The following C16orf74 variants were observed in gnomAD, a reference collection of about 807,000 sequenced individuals.
The protein encoded by C16orf74 is calcimembrin, also known as uncharacterized protein C16orf74.
Under a neutral mutation model 6.5 loss-of-function variants are expected in C16orf74, and 10 were observed. That is an observed-to-expected ratio of 1.54 (90% confidence interval 0.95 to 2.61). The LOEUF is 2.61. Among genes scored for constraint, C16orf74 ranks in the 30% most tolerant of loss-of-function variants. The pLI is 0.00. For missense variants in C16orf74, 141 were observed against 105.9 expected, an observed-to-expected ratio of 1.33 and a Z score of -1.45; for synonymous variants, 60 against 42.5, an observed-to-expected ratio of 1.41 and a Z score of -1.60.
chr16:85,747,860 G>A (rs2054390933), intron 1 of C16orf74, among the ~76,000 whole-genome samples: 1 of 152,022 alleles, frequency 6.6e-6, no homozygotes, highest in African/African-American at 2.4e-5. Flanking sequence ...GGCTCAGGCA[G>A]GTGGATCACA....
rs2054009753 is a variant in C16orf74 at position 85,715,078 on chromosome 16, A to G, written c.29-4771T>C. ...AGGCTGAGGCAGGAGAATGGCGTGAACCCGGGAGGCGGAGCTTGCAGTGAG... is the reference window on the plus strand; with the variant it reads ...AGGCTGAGGCAGGAGAATGGCGTGAGCCCGGGAGGCGGAGCTTGCAGTGAG... On this transcript the variant is annotated intron_variant, in intron 2 of 3. Coordinates refer to ENST00000284245, the MANE Select transcript of C16orf74 (RefSeq NM_206967.3). Among the ~76,000 whole-genome samples, 3 of 150,644 alleles carry G rather than the reference A, an allele frequency of 2.0e-5. No individual in the cohort carries two copies. The South Asian group carries it at 6.3e-4, about 32-fold the overall frequency.
intron 1 of C16orf74, among the ~76,000 whole-genome samples, chr16:85,740,071 G>C (rs577705599): frequency 1.3e-5 from 2 of 149,982 alleles, no homozygotes; most frequent in Non-Finnish European, 3.0e-5. Context: ...TTAGCCAGGC[G>C]TGGTGGCAGG....
chr16:85,715,639 G>C (rs757180496), intron 2 of C16orf74, among the ~76,000 whole-genome samples: 1 of 152,234 alleles, frequency 6.6e-6, no homozygotes, highest in African/African-American at 2.4e-5. Context: ...ACGTGGAAAT[G>C]AACGAGCATG....
intron 2 of C16orf74, among the ~76,000 whole-genome samples, chr16:85,723,947 T>C (rs1401041071): frequency 6.6e-6 from 1 of 152,164 alleles, no homozygotes; most frequent in African/African-American, 2.4e-5. Context: ...TCTGCTCCCG[T>C]GCCCGGCCAT....
chr16:85,746,254 G>A (rs940288661), intron 1 of C16orf74, among the ~76,000 whole-genome samples: 19 of 152,310 alleles, frequency 1.2e-4, no homozygotes, highest in Middle Eastern at 3.4e-3. Context: ...GGAGGCCGAG[G>A]CAGGAGAATC....
chr16:85,723,820 G>C (rs2054106520), intron 2 of C16orf74, among the ~76,000 whole-genome samples: 1 of 152,198 alleles, frequency 6.6e-6, no homozygotes, highest in African/African-American at 2.4e-5. Flanking sequence ...TGTGCTGTTG[G>C]GTGACAAAAA....
chr16:85,742,686 C>A (rs2054322989), intron 1 of C16orf74, among the ~76,000 whole-genome samples: 2 of 152,126 alleles, frequency 1.3e-5, no homozygotes, highest in Admixed American at 6.5e-5. Flanking sequence ...GGATTACAGG[C>A]ATGCGCCACC....
chr16:85,734,416 G>A (rs1390562061), intron 2 of C16orf74, among the ~76,000 whole-genome samples: 2 of 152,166 alleles, frequency 1.3e-5, no homozygotes, highest in Non-Finnish European at 1.5e-5. Flanking sequence ...TCTCCAGGTG[G>A]GTAGGTGGCC....
At chr16:85,749,528 C>G (rs1353920176) in intron 1 of C16orf74, among the ~76,000 whole-genome samples, 1 of 151,904 alleles carries the variant, frequency 6.6e-6, no homozygotes, top group Non-Finnish European at 1.5e-5. Flanking sequence ...AGCACTCCTC[C>G]TGCTTTGGCA....
intron 2 of C16orf74, among the ~76,000 whole-genome samples, chr16:85,734,011 T>C (rs1420310944): frequency 6.6e-6 from 1 of 152,106 alleles, no homozygotes; most frequent in Admixed American, 6.5e-5. Context: ...TGAAGGGTGG[T>C]CCATTCATCC....
Position 85,707,875 on chromosome 16 carries a change from C to G in C16orf74, c.*133G>C. ...TCCTCGCTGGTCCTGCCACGTCTCT[C>G]TGAGCGGAGGCCCGGGTTCGCTCAG... is the stretch of plus-strand genomic sequence containing the variant. On this transcript the variant is annotated 3_prime_UTR_variant, in exon 4 of 4. Transcript: ENST00000284245. The G allele has an allele frequency of 1.4e-6, 1 of 705,264 alleles. No individual in the cohort carries two copies. The allele number at this position is 705,264 out of a possible 1,614,324, so 43.7% of individuals were successfully genotyped here.
At chr16:85,740,614 C>T (rs571385450) in intron 1 of C16orf74, among the ~76,000 whole-genome samples, 1 of 151,302 alleles carries the variant, frequency 6.6e-6, no homozygotes, top group South Asian at 2.1e-4. Flanking sequence ...ATGGCGTGAA[C>T]CCGGGAGGCG....
intron 1 of C16orf74, among the ~76,000 whole-genome samples, chr16:85,750,021 G>A (rs923150454): frequency 5.9e-5 from 9 of 152,176 alleles, no homozygotes; most frequent in Admixed American, 4.6e-4. Context: ...CCCAGGACAG[G>A]GGCCTCCCCA....
At chr16:85,714,841 G>C (rs914706395) in intron 2 of C16orf74, among the ~76,000 whole-genome samples, 24 of 151,784 alleles carry the variant, frequency 1.6e-4, no homozygotes. Flanking sequence ...TAATACAGTG[G>C]GGTTTGAACC....
At chr16:85,717,684 G>T (rs1598784990) in intron 2 of C16orf74, among the ~76,000 whole-genome samples, 1 of 152,336 alleles carries the variant, frequency 6.6e-6, no homozygotes, top group East Asian at 1.9e-4. Context: ...TTGCACTCCT[G>T]CATTCAACCC....
chr16:85,709,309 G>C (rs891791486), intron 3 of C16orf74, among the ~76,000 whole-genome samples: 1 of 152,104 alleles, frequency 6.6e-6, no homozygotes, highest in Admixed American at 6.5e-5. Flanking sequence ...AGCTGAGAGT[G>C]CACCACAGCA....
chr16:85,746,394 A>C (rs2054373605), intron 1 of C16orf74, among the ~76,000 whole-genome samples: 2 of 152,182 alleles, frequency 1.3e-5, no homozygotes, highest in South Asian at 4.1e-4. Flanking sequence ...TGGATAACTT[A>C]GTTATCCTTG....
At chr16:85,738,273 C>T (rs388438) in intron 1 of C16orf74, among the ~76,000 whole-genome samples, 148,962 of 150,668 alleles carry the variant, frequency 0.99, 73,670 homozygotes, top group Middle Eastern at 1. Context: ...GCTGCCTGAG[C>T]CCCACCCCCA....
chr16:85,735,145 C>A, intron 2 of C16orf74, 45 bp downstream of exon 2: 2 of 1,574,978 alleles, frequency 1.3e-6, no homozygotes, highest in South Asian at 1.2e-5. Context: ...AACCCAGCAC[C>A]CCCTCTGCCA....
Sources: allele counts gnomAD v4.1 joint callset (sites outside exome capture counted in the v4.1 genomes callset), GRCh38; gene constraint gnomAD v4.1.1; transcripts MANE v1.5; gene names NCBI Gene and HGNC (gene_info 2026-07-23, HGNC 2026-07-21).